THSD7B: variants seen among roughly 807,000 people sequenced by gnomAD.
The protein encoded by THSD7B is thrombospondin type-1 domain-containing protein 7B.
Under a neutral mutation model 213.6 loss-of-function variants are expected in THSD7B, and 138 were observed. The observed-to-expected ratio is 0.65, with a 90% confidence interval of 0.56 to 0.74. The LOEUF (loss-of-function observed/expected upper bound fraction) is 0.74. Ranked by LOEUF, THSD7B falls within the 30% of genes least tolerant of loss-of-function variation. The probability of loss-of-function intolerance (pLI) is 0.00; values close to 1 mark genes in which losing one functional copy is unlikely to be tolerated. For missense variants in THSD7B, 1,931 were observed against 1,991.5 expected (o/e 0.97, Z 0.58); for synonymous variants, 742 against 687.0 (o/e 1.08, Z -1.25).
Position 137,056,965 on chromosome 2 carries a change from C to G in THSD7B, c.685C>G (p.Pro229Ala), listed in dbSNP as rs760505445. 4 of 1,613,894 alleles carry G rather than the reference C, an allele frequency of 2.5e-6. No homozygotes were observed. The highest frequency in any genetic ancestry group is 2.2e-5 in the South Asian group (2 of 91,074). Residue 229 changes from proline to alanine, a missense_variant, in exon 3 of 28, where the codon CCC (proline) becomes GCC (alanine). By Grantham distance (27) the Pro-to-Ala change is conservative (BLOSUM62 -1). Coordinates refer to ENST00000409968, the MANE Select transcript of THSD7B (RefSeq NM_001316349.2). ...GACTGAGTCAAGAGCCTGTGATGCT[C>G]CCATTTCCTGTCCTCTTGGGGAAGA... ...NLTESRACDAPISCPLGEEEY... is the reference protein window; with the variant it reads ...NLTESRACDAAISCPLGEEEY...
chr2:137,614,324 G>T (rs1682342838), intron 17 of THSD7B, among the ~76,000 whole-genome samples: 1 of 152,034 alleles, frequency 6.6e-6, no homozygotes, highest in African/African-American at 2.4e-5. Flanking sequence ...CGGAACTAAG[G>T]TTTAGAGTAT....
At chr2:136,951,355 T>C (rs1190402057) in intron 2 of THSD7B, among the ~76,000 whole-genome samples, 2 of 152,242 alleles carry the variant, frequency 1.3e-5, no homozygotes, top group African/African-American at 4.8e-5. Context: ...AAATGTCCTG[T>C]AAATTTGCTT....
Position 136,896,341 on chromosome 2 carries a change from T to C in THSD7B, c.139+14024T>C, listed in dbSNP as rs1446593668. On this transcript the variant is annotated intron_variant, in intron 2 of 27. Transcript: ENST00000409968. ...CTATATCTTTGAAAGTATTAGCCAC[T>C]TGTATATTTTCTTTGGTGAAATGTT... 3.3e-5 allele frequency among the ~76,000 whole-genome samples: 5 copies of C among 152,242 alleles called. No individual in the cohort carries two copies. The South Asian group carries it at 6.2e-4, about 19-fold the overall frequency.
intron 15 of THSD7B, among the ~76,000 whole-genome samples, chr2:137,497,267 GA>G (rs1201119605): frequency 6.6e-6 from 1 of 151,228 alleles, no homozygotes; most frequent in East Asian, 1.9e-4. Flanking sequence ...TCTTGTTAAA[GA>G]AAATAACATT....
At chr2:137,268,120 T>C (rs2104800642) in intron 10 of THSD7B, among the ~76,000 whole-genome samples, 1 of 152,296 alleles carries the variant, frequency 6.6e-6, no homozygotes, top group South Asian at 2.1e-4. Context: ...GAAAGGGATA[T>C]GGATCCAGAA....
chr2:137,062,832 G>A (rs921811389), intron 3 of THSD7B, among the ~76,000 whole-genome samples: 1 of 151,682 alleles, frequency 6.6e-6, no homozygotes, highest in Non-Finnish European at 1.5e-5. Flanking sequence ...GTTGATTGAT[G>A]GTGCTGTTCA....
At chr2:136,794,067 A>T (rs1401793036) in intron 1 of THSD7B, among the ~76,000 whole-genome samples, 1 of 150,324 alleles carries the variant, frequency 6.7e-6, no homozygotes, top group Non-Finnish European at 1.5e-5. Context: ...CCGTGTGGTG[A>T]TGCCCCTCAT....
chr2:137,423,518 TAAG>T (rs1478642289), intron 14 of THSD7B, among the ~76,000 whole-genome samples: 1 of 151,972 alleles, frequency 6.6e-6, no homozygotes, highest in East Asian at 1.9e-4. Context: ...AAAATGAAAT[TAAG>T]AAAATAATTT....
In THSD7B at chr2:137,358,723, C is replaced by T. The variant is rs542413937; in HGVS notation, c.2501-46890C>T. ...CTTGCAGTCTCTTGAGGTCAGATGC[C>T]ATATCTTATACTTCAGATCCCCTTC... On this transcript the variant is annotated intron_variant, in intron 12 of 27. Coordinates refer to ENST00000409968, the MANE Select transcript of THSD7B (RefSeq NM_001316349.2). Among the ~76,000 whole-genome samples, 85 of 152,230 alleles carry T rather than the reference C, an allele frequency of 5.6e-4. 2 individuals are homozygous for T. The South Asian group carries it at 0.017, about 31-fold the overall frequency.
intron 12 of THSD7B, among the ~76,000 whole-genome samples, chr2:137,386,973 G>A (rs957854469): frequency 1.7e-4 from 26 of 152,120 alleles, no homozygotes; most frequent in African/African-American, 6.3e-4. Flanking sequence ...TTTTACATTT[G>A]TGCCAGGGCA....
chr2:137,130,727 C>A (rs1456786292), intron 5 of THSD7B, among the ~76,000 whole-genome samples: 1 of 148,766 alleles, frequency 6.7e-6, no homozygotes, highest in Admixed American at 6.8e-5. Flanking sequence ...TTTATGGCTG[C>A]ATAGTATTCC....
At position 137,659,726 on chromosome 2, in the gene THSD7B, C is replaced by T. The variant is rs905239087; in HGVS notation, c.4438C>T (p.Pro1480Ser). 14 of 1,603,716 alleles carry T rather than the reference C, an allele frequency of 8.7e-6. No individual in the cohort carries two copies. The highest frequency in any genetic ancestry group is 1.2e-5 in the Non-Finnish European group (14 of 1,174,954). Reference protein sequence around the residue: ...IRQCIPACRKPFSYCTQGGVC... With the variant: ...IRQCIPACRKSFSYCTQGGVC... ...GCAGTGCATTCCAGCCTGCAGAAAACCTTTCTCCTACTGTACACAGGTGAG... is the reference window on the plus strand; with the variant it reads ...GCAGTGCATTCCAGCCTGCAGAAAATCTTTCTCCTACTGTACACAGGTGAG... The change falls in exon 25 of 28, where the codon CCT (proline) becomes TCT (serine). Residue 1480 changes from proline (P) to serine (S), a missense_variant. By Grantham distance (74) the Pro-to-Ser change is moderately conservative. Coordinates refer to ENST00000409968, the MANE Select transcript of THSD7B (RefSeq NM_001316349.2).
rs762969093 is a variant in THSD7B, at chr2:137,276,045, A to G, written c.2500+19A>G. On this transcript the variant is annotated intron_variant, in intron 12 of 27. Transcript: ENST00000409968. ...ACAAGAGGTATGATGATTTTTACAT[A>G]GTTTTTTTTTATTAATACGTAAGTT... The G allele has an allele frequency of 2.5e-6, 4 of 1,580,678 alleles. No individual in the cohort carries two copies. Among genetic ancestry groups the G allele is most frequent in the Admixed American group, 1.8e-5 (1 of 55,680 alleles).
chr2:136,831,840 T>C lies in THSD7B; in HGVS notation c.-35-50304T>C, dbSNP rs1046953506. Among the ~76,000 whole-genome samples the C allele has an allele frequency of 2.7e-4, 41 of 152,310 alleles. 1 individual carries two copies. Among genetic ancestry groups the C allele is most frequent in the African/African-American group, 4.8e-5 (2 of 41,572 alleles). The stretch of plus-strand genomic sequence containing the variant: ...TCTTCCTTTTCTTTCCTAGCCCACT[T>C]ATATAAGGCTTATCCTTCCTTTAAG... On this transcript the variant is annotated intron_variant, in intron 1 of 27. Coordinates refer to ENST00000409968, the MANE Select transcript of THSD7B (RefSeq NM_001316349.2).
chr2:137,157,151 T>A (rs1002599086), intron 5 of THSD7B, among the ~76,000 whole-genome samples: 6 of 152,140 alleles, frequency 3.9e-5, no homozygotes, highest in African/African-American at 1.4e-4. Context: ...CACCAACTTG[T>A]CTGAGTCCAG....
intron 9 of THSD7B, among the ~76,000 whole-genome samples, chr2:137,237,945 T>A (rs1681805180): frequency 6.6e-6 from 1 of 152,212 alleles, no homozygotes. Context: ...AGTTCATTTC[T>A]TCTATAATAG....
chr2:137,542,486 T>A (rs756669286), intron 15 of THSD7B, among the ~76,000 whole-genome samples: 27 of 151,454 alleles, frequency 1.8e-4, no homozygotes, highest in Admixed American at 4.0e-4. Context: ...CACTGGAAAG[T>A]AATTCAAATC....
intron 17 of THSD7B, among the ~76,000 whole-genome samples, chr2:137,598,877 CTTTT>C (rs57408242): frequency 1.4e-5 from 2 of 138,354 alleles, no homozygotes; most frequent in Non-Finnish European, 3.2e-5. Context: ...CATTTTGGTT[CTTTT>C]TTTTTTTTAT....
At chr2:137,241,405 T>C (rs1447824783) in intron 9 of THSD7B, among the ~76,000 whole-genome samples, 1 of 152,244 alleles carries the variant, frequency 6.6e-6, no homozygotes, top group Admixed American at 6.5e-5. Context: ...ACAAAAACTC[T>C]CTTGCTATTT....
Sources: gnomAD v4.1 joint callset for allele counts (sites outside exome capture counted in the v4.1 genomes callset) on GRCh38, gnomAD v4.1.1 for gene constraint, MANE v1.5 for transcripts, NCBI Gene and HGNC (gene_info 2026-07-23, HGNC 2026-07-21) for gene names.